Variants in DOCK5 observed in about 807,000 individuals in gnomAD.
DOCK5 encodes dedicator of cytokinesis 5.
A neutral mutation model predicts 251.8 loss-of-function variants in DOCK5; 142 were observed. The ratio of observed to expected loss-of-function variants is 0.56; its 90% CI spans 0.49 to 0.65. DOCK5 has a LOEUF of 0.65. Ranked by LOEUF, DOCK5 falls within the 30% of genes least tolerant of loss-of-function variation. DOCK5 has a pLI of 0.00. For missense variants in DOCK5, 2,111 were observed against 2,312.3 expected (o/e 0.91, Z 1.79); for synonymous variants, 842 against 835.5 (o/e 1.01, Z -0.13).
intron 6 of DOCK5, 68 bp from the exon 7 acceptor site, chr8:25,296,445 A>G (rs766134056): frequency 1.4e-5 from 22 of 1,551,140 alleles, no homozygotes; most frequent in Non-Finnish European, 1.9e-5. Flanking sequence ...GGGCTCCTTG[A>G]CAAGGACTCC....
intron 5 of DOCK5, among the ~76,000 whole-genome samples, chr8:25,284,331 C>T (rs1804277670): frequency 6.6e-6 from 1 of 152,170 alleles, no homozygotes. Flanking sequence ...AACTCTGCTC[C>T]TAGAAAGAGC....
chr8:25,409,675 C>G (rs1801583384), intron 50 of DOCK5: 1 of 155,304 alleles, frequency 6.4e-6, no homozygotes, highest in African/African-American at 2.4e-5. Context: ...GAAACCCCAT[C>G]TGTACTAAAA....
intron 27 of DOCK5, among the ~76,000 whole-genome samples, chr8:25,354,893 T>C (rs536783065): frequency 9.2e-5 from 14 of 152,256 alleles, no homozygotes; most frequent in African/African-American, 3.4e-4. Context: ...CTTTTTAGCG[T>C]GAAATCACCA....
intron 22 of DOCK5, among the ~76,000 whole-genome samples, chr8:25,339,209 C>G (rs1373866486): frequency 6.6e-6 from 1 of 152,158 alleles, no homozygotes; most frequent in Admixed American, 6.5e-5. Context: ...GCTTAAATCT[C>G]TCTTATGAGC....
At chr8:25,295,910 C>A in intron 6 of DOCK5, among the ~76,000 whole-genome samples, 1 of 152,106 alleles carries the variant, frequency 6.6e-6, no homozygotes, top group East Asian at 1.9e-4. Context: ...GCCTCAACTT[C>A]CTGGGCTCAA....
At chr8:25,357,737 A>C (rs764378849) in intron 27 of DOCK5, among the ~76,000 whole-genome samples, 15 of 152,168 alleles carry the variant, frequency 9.9e-5, no homozygotes, top group South Asian at 4.1e-4. Context: ...AGAAAGAGAT[A>C]GACATGGACA....
intron 2 of DOCK5, among the ~76,000 whole-genome samples, chr8:25,244,528 G>C (rs1803044644): frequency 6.6e-6 from 1 of 152,256 alleles, no homozygotes; most frequent in Admixed American, 6.5e-5. Flanking sequence ...TATTCTCTCA[G>C]AAGGTTAGGG....
intron 28 of DOCK5, among the ~76,000 whole-genome samples, chr8:25,360,355 G>A (rs1800654266): frequency 6.6e-6 from 1 of 152,182 alleles, no homozygotes; most frequent in Non-Finnish European, 1.5e-5. Flanking sequence ...ACCCTGGCAG[G>A]CAGCATGGCA....
chr8:25,309,271 A>C (rs1235616872), intron 12 of DOCK5, among the ~76,000 whole-genome samples: 1 of 152,032 alleles, frequency 6.6e-6, no homozygotes, highest in Non-Finnish European at 1.5e-5. Flanking sequence ...TGTAGCCTCC[A>C]CTTCCTGGGC....
chr8:25,232,650 A>G (rs1335402668), intron 1 of DOCK5, among the ~76,000 whole-genome samples: 1 of 152,102 alleles, frequency 6.6e-6, no homozygotes, highest in African/African-American at 2.4e-5. Flanking sequence ...GGGGCCTTTT[A>G]TAAGAGCACG....
chr8:25,311,318 C>T (rs1346900937), intron 13 of DOCK5, among the ~76,000 whole-genome samples: 6 of 151,674 alleles, frequency 4.0e-5, no homozygotes, highest in South Asian at 2.1e-4. Flanking sequence ...CTGAGGTGGG[C>T]GGATCATGAG....
chr8:25,226,027 A>G (rs7828594), intron 1 of DOCK5, among the ~76,000 whole-genome samples: 8,162 of 152,248 alleles, frequency 0.054, 530 homozygotes, highest in African/African-American at 0.16. Flanking sequence ...ATGCTTTAAG[A>G]TGGTGAATGT....
chr8:25,308,272 T>G (rs530052722), intron 11 of DOCK5, among the ~76,000 whole-genome samples: 7 of 152,202 alleles, frequency 4.6e-5, no homozygotes, highest in African/African-American at 1.7e-4. Context: ...TCTGAGAACA[T>G]CTACCAGACA....
chr8:25,240,460 C>T (rs1468884140), intron 1 of DOCK5, among the ~76,000 whole-genome samples: 3 of 152,150 alleles, frequency 2.0e-5, no homozygotes, highest in Non-Finnish European at 4.4e-5. Flanking sequence ...TGGTCAATCA[C>T]CATTCCCTCC....
At position 25,319,660 on chromosome 8, in the gene DOCK5, G is replaced by T. The variant is rs1482055948; in HGVS notation, c.1526G>T (p.Trp509Leu). The change falls in exon 15 of 52, where the codon TGG (tryptophan) becomes TTG (leucine). Residue 509 changes from tryptophan to leucine, a missense_variant. Physicochemically the swap from Trp to Leu is moderately conservative, Grantham distance 61. This residue lies in a region of DOCK5 where 1,717 missense variants were observed against 1,892.4 expected (regional missense o/e 0.91). Transcript: ENST00000276440. ...TATTACCAAGTCAAGCAGCCCTGTT[G>T]GTATGAGACTGTCAAGGTGAGAATG... ...VVYYQVKQPC[W>L]YETVKVSIAI... The T allele has an allele frequency of 6.3e-7, 1 of 1,584,626 alleles. No individual in the cohort carries two copies. Among genetic ancestry groups the T allele is most frequent in the Non-Finnish European group, 8.6e-7 (1 of 1,165,220 alleles).
chr8:25,373,933 AG>A (rs2117289439), intron 36 of DOCK5, among the ~76,000 whole-genome samples: 1 of 152,316 alleles, frequency 6.6e-6, no homozygotes, highest in Non-Finnish European at 1.5e-5. Context: ...GTACAGGAAG[AG>A]GCAGGAAAAC....
At chr8:25,382,527 A>T (rs774341866) in intron 39 of DOCK5, 147 bp from the exon 40 acceptor site, 1 of 653,054 alleles carries the variant, frequency 1.5e-6, no homozygotes, top group Non-Finnish European at 2.6e-6. Context: ...CGAGAATAGG[A>T]TAACCCTTTT....
chr8:25,321,868 A>G (rs1805434019), intron 16 of DOCK5, among the ~76,000 whole-genome samples: 1 of 152,144 alleles, frequency 6.6e-6, no homozygotes, highest in Non-Finnish European at 1.5e-5. Context: ...CTATATATAC[A>G]TTGTATCTCC....
At position 25,210,008 on chromosome 8, in the gene DOCK5, T is replaced by TTATATATATATATG. The variant is rs1554517378; in HGVS notation, c.43+25070_43+25071insGTATATATATATAT. The stretch of plus-strand genomic sequence containing the variant: ...GGCACATGCCACCATCCCCGGCTAA[T>TTATATATATATATG]TATATATATATATATATATATATAT... On this transcript the variant is annotated intron_variant, in intron 1 of 51. Coordinates refer to ENST00000276440, the MANE Select transcript of DOCK5 (RefSeq NM_024940.8). Among the ~76,000 whole-genome samples the TTATATATATATATG allele has an allele frequency of 1.5e-4, 4 of 27,218 alleles. 1 individual carries two copies. The highest frequency in any genetic ancestry group is 9.8e-4 in the South Asian group (1 of 1,024). 17.9% of individuals were successfully genotyped at this position (27,218 alleles called of 152,430 possible). A position where few individuals can be genotyped will look rare whatever the true frequency, so the allele number is the denominator to read the frequency against.
Sources: allele counts gnomAD v4.1 joint callset (sites outside exome capture counted in the v4.1 genomes callset), GRCh38; gene constraint gnomAD v4.1.1; regional missense constraint gnomAD v4.1.1; transcripts MANE v1.5; gene names NCBI Gene and HGNC (gene_info 2026-07-23, HGNC 2026-07-21).